The following UNC13A variants were observed in gnomAD, a reference collection of about 807,000 sequenced individuals.
The protein encoded by UNC13A is unc-13 homolog A.
A neutral mutation model predicts 219.7 loss-of-function variants in UNC13A; 61 were observed. The observed-to-expected ratio is 0.28, with a 90% CI of 0.23 to 0.34. The LOEUF (loss-of-function observed/expected upper bound fraction) is 0.34, where lower values mean the gene tolerates loss of function less well. UNC13A is among the 10% of genes least tolerant of loss of function. The probability of loss-of-function intolerance (pLI) is 1.00; values close to 1 mark genes in which losing one functional copy is unlikely to be tolerated. For missense variants in UNC13A, 1,476 were observed against 2,270.3 expected (o/e 0.65, Z 7.11); for synonymous variants, 920 against 884.6 (o/e 1.04, Z -0.71).
chr19:17,645,993 C>A lies in UNC13A; in HGVS notation c.2163G>T (p.Pro721=), dbSNP rs367752772. 1 of 1,612,718 alleles carries A rather than the reference C, an allele frequency of 6.2e-7. No homozygotes were observed. Among genetic ancestry groups the A allele is most frequent in the East Asian group, 2.2e-5 (1 of 44,828 alleles). ...RTKTIYGNLN[P]VWEENFHFEC... ...ACAAGTGGAAATTCTCCTCCCACAC[C>A]GGGTTGAGGTTCCCATAGATGGTTT... The change falls in exon 18 of 44, where the codon CCG becomes CCT. Residue 721 remains proline (P), a synonymous_variant. Transcript: ENST00000519716.
At chr19:17,623,429 G>A (rs2076749907) in intron 36 of UNC13A, 113 bp downstream of exon 36, 3 of 787,200 alleles carry the variant, frequency 3.8e-6, no homozygotes, top group South Asian at 3.4e-5. Flanking sequence ...AGGGAGGATG[G>A]TGGGTGAGGA....
At chr19:17,678,336 G>A (rs777729695) in intron 1 of UNC13A, among the ~76,000 whole-genome samples, 8 of 152,086 alleles carry the variant, frequency 5.3e-5, no homozygotes, top group South Asian at 2.1e-4. Context: ...AAAATTAGCC[G>A]GGTGTGGTGG....
chr19:17,682,350 T>C (rs2080035273), intron 1 of UNC13A, among the ~76,000 whole-genome samples: 6 of 152,316 alleles, frequency 3.9e-5, no homozygotes, highest in African/African-American at 1.2e-4. Flanking sequence ...TAGAGAGTTC[T>C]GGCAAACGTA....
At chr19:17,622,401 G>A (rs1287126877) in intron 36 of UNC13A, 1 of 154,032 alleles carries the variant, frequency 6.5e-6, no homozygotes, top group African/African-American at 2.4e-5. Context: ...TGAAACAGGA[G>A]CTATGAGAAG....
At chr19:17,639,630 T>A in intron 23 of UNC13A, 105 bp from the exon 24 acceptor site, 18 of 1,334,772 alleles carry the variant, frequency 1.3e-5, no homozygotes, top group Non-Finnish European at 1.9e-5. Context: ...AGGCTGGGGG[T>A]TGATTAGAGC....
At chr19:17,642,732 G>T in intron 20 of UNC13A, 113 bp downstream of exon 20, 1 of 833,264 alleles carries the variant, frequency 1.2e-6, no homozygotes, top group Non-Finnish European at 1.9e-6. Context: ...GGCATGGCGG[G>T]CAGTCTCAGA....
chr19:17,617,657 G>A, intron 41 of UNC13A, 45 bp downstream of exon 41: 1 of 1,601,246 alleles, frequency 6.2e-7, no homozygotes, highest in Non-Finnish European at 8.6e-7. Context: ...GGGCGGGGCT[G>A]TCTCCGCGGA....
At chr19:17,616,478 G>T in intron 41 of UNC13A, 1 of 687,474 alleles carries the variant, frequency 1.5e-6, no homozygotes, top group Admixed American at 2.0e-5. Flanking sequence ...ATTGGGGGTG[G>T]GGGTGGAAGG....
chr19:17,687,216 G>T (rs1374744715), intron 1 of UNC13A, among the ~76,000 whole-genome samples: 1 of 152,100 alleles, frequency 6.6e-6, no homozygotes, highest in Non-Finnish European at 1.5e-5. Context: ...CCCCTCCCAC[G>T]TCTCCCTCCC....
chr19:17,681,096 G>C (rs545897306), intron 1 of UNC13A, among the ~76,000 whole-genome samples: 1 of 127,050 alleles, frequency 7.9e-6, no homozygotes, highest in African/African-American at 3.0e-5. Context: ...TTTTTGTAGA[G>C]ATGGGGTCTT....
In UNC13A at chr19:17,668,449, C is replaced by G. The variant is rs183279753; in HGVS notation, c.395-259G>C. 1.7e-3 allele frequency among the ~76,000 whole-genome samples: 252 copies of G among 152,170 alleles called. 1 individual carries two copies. Among genetic ancestry groups the G allele is most frequent in the African/African-American group, 5.7e-3 (238 of 41,530 alleles). ...GACAGGAGATGGTTCCTAGCCTTTA[C>G]GAGGGTGGGGAAGCCATTGTTTTTA... is the stretch of plus-strand genomic sequence containing the variant. On this transcript the variant is annotated intron_variant, in intron 5 of 43. Transcript: ENST00000519716.
chr19:17,635,946 C>T, intron 26 of UNC13A, 78 bp downstream of exon 26: 1 of 1,500,528 alleles, frequency 6.7e-7, no homozygotes, highest in South Asian at 1.3e-5. Flanking sequence ...ACAAAATCAT[C>T]TTGACACACA....
chr19:17,648,819 C>T, intron 15 of UNC13A, 93 bp downstream of exon 15: 4 of 1,509,764 alleles, frequency 2.6e-6, no homozygotes, highest in Non-Finnish European at 3.6e-6. Flanking sequence ...ACACACCCTT[C>T]CTCTTCCCGG....
intron 1 of UNC13A, among the ~76,000 whole-genome samples, chr19:17,678,076 C>T (rs994734913): frequency 1.3e-5 from 2 of 152,140 alleles, no homozygotes; most frequent in Non-Finnish European, 2.9e-5. Context: ...GTATCTCTGT[C>T]CTCATCGCTT....
At chr19:17,635,416 A>G (rs2145021832) in intron 26 of UNC13A, among the ~76,000 whole-genome samples, 1 of 152,348 alleles carries the variant, frequency 6.6e-6, no homozygotes, top group African/African-American at 2.4e-5. Context: ...CCTCTCTAGC[A>G]CTCATCTGGC....
At chr19:17,635,246 C>T (rs867306111) in intron 26 of UNC13A, among the ~76,000 whole-genome samples, 24 of 152,128 alleles carry the variant, frequency 1.6e-4, no homozygotes, top group African/African-American at 5.1e-4. Flanking sequence ...AATGATCCAC[C>T]CACCTTGGCC....
At chr19:17,657,371 A>G (rs573548506) in intron 9 of UNC13A, among the ~76,000 whole-genome samples, 16 of 152,094 alleles carry the variant, frequency 1.1e-4, no homozygotes, top group African/African-American at 3.9e-4. Flanking sequence ...TCTGGTACCC[A>G]CTGAAACATC....
At chr19:17,658,022 C>G in intron 9 of UNC13A, 40 bp downstream of exon 9, 1 of 1,596,230 alleles carries the variant, frequency 6.3e-7, no homozygotes, top group South Asian at 1.1e-5. Flanking sequence ...CCAGGAGACA[C>G]AGCAGGACCC....
intron 8 of UNC13A, among the ~76,000 whole-genome samples, chr19:17,661,688 C>T (rs2079553399): frequency 6.6e-6 from 1 of 151,144 alleles, no homozygotes; most frequent in African/African-American, 2.4e-5. Context: ...AGCAAGACTC[C>T]ATCTCAAAAA....
Sources: allele counts gnomAD v4.1 joint callset (sites outside exome capture counted in the v4.1 genomes callset), GRCh38; gene constraint gnomAD v4.1.1; transcripts MANE v1.5; gene names NCBI Gene and HGNC (gene_info 2026-07-23, HGNC 2026-07-21).